ICA1: variants seen among roughly 807,000 people sequenced by gnomAD.
ICA1 encodes the protein islet cell autoantigen 1.
Under a neutral mutation model 71.0 loss-of-function variants are expected in ICA1, and 40 were observed. The ratio of observed to expected loss-of-function variants is 0.56; its 90% CI spans 0.44 to 0.73. The LOEUF is 0.73. ICA1 is among the 30% of genes least tolerant of loss of function. ICA1 has a pLI of 0.00. For missense variants in ICA1, 578 were observed against 576.5 expected, an observed-to-expected ratio of 1.00 and a Z score of -0.03; for synonymous variants, 207 against 209.5, an observed-to-expected ratio of 0.99 and a Z score of 0.10.
chr7:8,126,728 A>AACAGTTTG (rs1452214112), intron 13 of ICA1, among the ~76,000 whole-genome samples: 6 of 152,160 alleles, frequency 3.9e-5, no homozygotes, highest in Non-Finnish European at 8.8e-5. Context: ...GAAAAACCAA[A>AACAGTTTG]ACAGTTTGAT....
At chr7:8,202,061 A>G (rs1386315808) in intron 6 of ICA1, among the ~76,000 whole-genome samples, 1 of 152,192 alleles carries the variant, frequency 6.6e-6, no homozygotes, top group East Asian at 1.9e-4. Context: ...TGCTTCTGAA[A>G]GGGCATCCAA....
chr7:8,141,872 T>C (rs1795345671), intron 9 of ICA1, 55 bp from the exon 10 acceptor site: 1 of 1,387,914 alleles, frequency 7.2e-7, no homozygotes, highest in African/African-American at 1.4e-5. Context: ...ATATTTATGA[T>C]ACAGCCAGAC....
At chr7:8,241,571 A>G (rs1803896370) in intron 1 of ICA1, among the ~76,000 whole-genome samples, 1 of 120,854 alleles carries the variant, frequency 8.3e-6, no homozygotes. Flanking sequence ...AACAATATTA[A>G]CCTTATTGTA....
intron 2 of ICA1, among the ~76,000 whole-genome samples, chr7:8,233,755 T>C (rs1800989161): frequency 6.6e-6 from 1 of 152,152 alleles, no homozygotes; most frequent in Non-Finnish European, 1.5e-5. Context: ...ACGGTTGACT[T>C]CATGTTAACT....
At chr7:8,169,690 G>C (rs1046868716) in intron 6 of ICA1, among the ~76,000 whole-genome samples, 6 of 151,868 alleles carry the variant, frequency 4.0e-5, no homozygotes, top group African/African-American at 1.5e-4. Context: ...TTAAAAATGG[G>C]TTTATCTTTT....
At chr7:8,174,447 A>G (rs1285263734) in intron 6 of ICA1, among the ~76,000 whole-genome samples, 1 of 152,144 alleles carries the variant, frequency 6.6e-6, no homozygotes, top group Non-Finnish European at 1.5e-5. Context: ...TTAAATGTGC[A>G]TATAAAGTTG....
At chr7:8,221,030 CCCCTACAGA>C (rs1238983884) in intron 5 of ICA1, among the ~76,000 whole-genome samples, 2 of 151,882 alleles carry the variant, frequency 1.3e-5, no homozygotes, top group African/African-American at 4.8e-5. Context: ...ATATATAATG[CCCCTACAGA>C]CCAACAGAAA....
rs1345500403 is a variant in ICA1, at chr7:8,199,717, C to A, written c.579+18588G>T. 2.0e-5 allele frequency among the ~76,000 whole-genome samples: 3 copies of A among 152,028 alleles called. No homozygotes were observed. In the East Asian group the frequency reaches 5.8e-4, roughly 29 times the overall value. ...GACAGAGCGAGACTCTGTCTCAAAA[C>A]AAAAACAAAAAACAAAAGAATGAAT... On this transcript the variant is annotated intron_variant, in intron 6 of 13. Transcript: ENST00000402384.
At chr7:8,203,233 T>C (rs1790335190) in intron 6 of ICA1, among the ~76,000 whole-genome samples, 2 of 107,226 alleles carry the variant, frequency 1.9e-5, no homozygotes, top group South Asian at 9.9e-4. Flanking sequence ...TAGGTAAACA[T>C]GCATGTAAGT....
intron 6 of ICA1, among the ~76,000 whole-genome samples, chr7:8,211,560 C>A (rs552512226): frequency 6.6e-6 from 1 of 152,090 alleles, no homozygotes; most frequent in Non-Finnish European, 1.5e-5. Flanking sequence ...ACATAGTGAG[C>A]TCTGGAATTG....
At chr7:8,244,831 G>C (rs1358476391) in intron 1 of ICA1, among the ~76,000 whole-genome samples, 4 of 152,202 alleles carry the variant, frequency 2.6e-5, no homozygotes, top group African/African-American at 9.6e-5. Flanking sequence ...TTGGTCATCA[G>C]AGAAATGCAA....
chr7:8,256,152 T>C (rs1810077711), intron 1 of ICA1, among the ~76,000 whole-genome samples: 1 of 152,216 alleles, frequency 6.6e-6, no homozygotes, highest in Non-Finnish European at 1.5e-5. Flanking sequence ...TCTTATCTTT[T>C]CTATCTTCAC....
chr7:8,147,071 T>C (rs531121796), intron 8 of ICA1, among the ~76,000 whole-genome samples: 1 of 152,126 alleles, frequency 6.6e-6, no homozygotes, highest in Admixed American at 6.5e-5. Flanking sequence ...CTCATTGTGT[T>C]TCCTTTTTAT....
In ICA1 at chr7:8,226,870, G is replaced by T. The variant is rs1025049496; in HGVS notation, c.256+1731C>A. On this transcript the variant is annotated intron_variant, in intron 4 of 13. Transcript: ENST00000402384. This position sits in a 1 kb window ranked among gnomAD's most constrained non-coding sequence, Gnocchi z 4.4. ...ACTATAATTCTATTAACTAATCTGA[G>T]GTGGTTTAGGGGGAAGTTTTTCCTC... Among the ~76,000 whole-genome samples, 8 of 152,138 alleles carry T rather than the reference G, an allele frequency of 5.3e-5. No individual in the cohort carries two copies. Among genetic ancestry groups the T allele is most frequent in the Non-Finnish European group, 1.0e-4 (7 of 68,032 alleles).
Position 8,222,923 on chromosome 7 carries a change from G to C in ICA1, c.257-1525C>G, listed in dbSNP as rs186342416. On this transcript the variant is annotated intron_variant, in intron 4 of 13. Coordinates refer to ENST00000402384, the MANE Select transcript of ICA1 (RefSeq NM_001136020.3). The surrounding 1 kb of genome is among the most constrained non-coding windows in gnomAD (Gnocchi z 4.8). The stretch of plus-strand genomic sequence containing the variant: ...AAGACAGGGATCTCACCCAAACTTT[G>C]TATTCCCCAGGCTGAGCATAAAGTC... Among the ~76,000 whole-genome samples the C allele has an allele frequency of 6.6e-6, 1 of 152,232 alleles. No individual in the cohort carries two copies. Among genetic ancestry groups the C allele is most frequent in the East Asian group, 1.9e-4 (1 of 5,178 alleles).
At chr7:8,196,622 T>C (rs1787675961) in intron 6 of ICA1, among the ~76,000 whole-genome samples, 1 of 151,946 alleles carries the variant, frequency 6.6e-6, no homozygotes, top group Admixed American at 6.6e-5. Context: ...TGTTGTGGGG[T>C]GGTTGGGAAG....
rs114581143 is a variant in ICA1 at position 8,154,028 on chromosome 7, T to C, written c.804+3088A>G. ...AATATTAAATTTCAAAGCTAAACTA[T>C]AAAGTTAAAATGCTACAAAAATCTA... On this transcript the variant is annotated intron_variant, in intron 8 of 13. Coordinates refer to ENST00000402384, the MANE Select transcript of ICA1 (RefSeq NM_001136020.3). Among the ~76,000 whole-genome samples the C allele has an allele frequency of 4.3e-3, 648 of 151,810 alleles. 1 individual carries two copies. The highest frequency in any genetic ancestry group is 0.015 in the African/African-American group (630 of 41,434).
At chr7:8,143,124 C>T (rs894385090) in intron 9 of ICA1, among the ~76,000 whole-genome samples, 3 of 152,138 alleles carry the variant, frequency 2.0e-5, no homozygotes, top group African/African-American at 2.4e-5. Flanking sequence ...TTTCCTAGGT[C>T]GGCCAGTTCA....
intron 8 of ICA1, among the ~76,000 whole-genome samples, chr7:8,149,638 G>T (rs997175381): frequency 2.6e-5 from 4 of 152,248 alleles, no homozygotes; most frequent in African/African-American, 9.6e-5. Context: ...CCAGCAGCCA[G>T]TTCTAATAAC....
Sources: allele counts gnomAD v4.1 joint callset (sites outside exome capture counted in the v4.1 genomes callset), GRCh38; gene constraint gnomAD v4.1.1; non-coding constraint Gnocchi (gnomAD v3.1); transcripts MANE v1.5; gene names NCBI Gene and HGNC (gene_info 2026-07-23, HGNC 2026-07-21).